The following MED22 variants were observed in gnomAD, a reference collection of about 807,000 sequenced individuals.
The protein encoded by MED22 is mediator of RNA polymerase II transcription subunit 22.
Under a neutral mutation model 22.7 loss-of-function variants are expected in MED22, and 22 were observed. The observed-to-expected ratio is 0.97, with a 90% CI of 0.69 to 1.38. The LOEUF (loss-of-function observed/expected upper bound fraction) is 1.38. Ranked by LOEUF, MED22 falls within the 40% of genes most tolerant of loss-of-function variation. The probability of loss-of-function intolerance (pLI) is 0.00; values close to 1 mark genes in which losing one functional copy is unlikely to be tolerated. For synonymous variants in MED22, 134 were observed against 119.4 expected (o/e 1.12, Z -0.80); for missense variants, 247 against 263.0 (o/e 0.94, Z 0.42).
At position 133,346,653 on chromosome 9, in the gene MED22, G is replaced by C; in HGVS notation, c.10C>G (p.Gln4Glu). Reference sequence around the variant, plus strand: ...TCCTTGCTCTGGGGCAGGGCTCTCTGCTGGGCCATGGCCGAGCCTCAAGCA... The same window carrying C: ...TCCTTGCTCTGGGGCAGGGCTCTCTCCTGGGCCATGGCCGAGCCTCAAGCA... The part of the protein sequence containing the change: MAQ[Q>E]RALPQSKETL... Residue 4 changes from glutamine (Q) to glutamate (E), a missense_variant, in exon 2 of 5, where the codon CAG (glutamine) becomes GAG (glutamate). Physicochemically the swap from Gln to Glu is conservative, Grantham distance 29. Coordinates refer to ENST00000343730, the MANE Select transcript of MED22 (RefSeq NM_133640.5). 6.2e-7 allele frequency: 1 copy of C among 1,611,810 alleles called. No individual in the cohort carries two copies. Among genetic ancestry groups the C allele is most frequent in the Non-Finnish European group, 8.5e-7 (1 of 1,179,970 alleles).
In MED22 at chr9:133,343,807, G is replaced by A. The variant is rs143960299; in HGVS notation, c.413+318C>T. The stretch of plus-strand genomic sequence containing the variant: ...AGCACAGCCCCAGAACGCACTGCCC[G>A]AGGAGGAAGGCTCTCGGAAGAGGGC... On this transcript the variant is annotated intron_variant, in intron 4 of 4. Coordinates refer to ENST00000343730, the MANE Select transcript of MED22 (RefSeq NM_133640.5). 1,564 of 1,397,526 alleles carry A rather than the reference G, an allele frequency of 1.1e-3. 2 individuals are homozygous for A. Among genetic ancestry groups the A allele is most frequent in the Middle Eastern group, 3.7e-3 (14 of 3,784 alleles). The allele number at this position is 1,397,526 out of a possible 1,614,324, so 86.6% of individuals were successfully genotyped here.
chr9:133,343,653 G>A, intron 4 of MED22: 1 of 1,253,560 alleles, frequency 8.0e-7, no homozygotes, highest in South Asian at 3.7e-5. Context: ...TCCACACTGG[G>A]GTTTGGTGAC....
Position 133,341,635 on chromosome 9 carries a change from A to G in MED22, c.473T>C (p.Leu158Pro). The change falls in exon 5 of 5, where the codon CTC becomes CCC. Residue 158 changes from leucine (L) to proline (P), a missense_variant. Coordinates refer to ENST00000343730, the MANE Select transcript of MED22 (RefSeq NM_133640.5). ...PLCEAYGRLD[L>P]DTDSADGLSA... ...GAGGCCATCAGCAGAGTCTGTGTCG[A>G]GGTCCAGCCTCCCGTAAGCTTCGCA... 6.2e-7 allele frequency: 1 copy of G among 1,605,770 alleles called. No individual in the cohort carries two copies. The highest frequency in any genetic ancestry group is 8.5e-7 in the Non-Finnish European group (1 of 1,176,622).
intron 4 of MED22, chr9:133,343,252 G>A: frequency 8.3e-7 from 1 of 1,211,138 alleles, no homozygotes; most frequent in Non-Finnish European, 1.0e-6. Context: ...CACCAGGAAG[G>A]AAAGGTTTGT....
chr9:133,338,744 T>G lies in MED22; in HGVS notation c.*2761A>C. 1 of 320,268 alleles carries G rather than the reference T, an allele frequency of 3.1e-6. No homozygotes were observed. 19.8% of individuals were successfully genotyped at this position (320,268 alleles called of 1,614,324 possible). A position where few individuals can be genotyped will look rare whatever the true frequency, so the allele number is the denominator to read the frequency against. On this transcript the variant is annotated 3_prime_UTR_variant, in exon 5 of 5. Coordinates refer to ENST00000343730, the MANE Select transcript of MED22 (RefSeq NM_133640.5). Reference sequence around the variant, plus strand: ...GGCGTAAGCCACCGCGCCCGGCCGATTTCTATACTTTTTAGTAGAGACGGG... The same window carrying G: ...GGCGTAAGCCACCGCGCCCGGCCGAGTTCTATACTTTTTAGTAGAGACGGG...
In MED22 at chr9:133,339,919, G is replaced by A. The variant is rs1835966201; in HGVS notation, c.*1586C>T. 6.5e-6 allele frequency: 1 copy of A among 152,840 alleles called. No individual in the cohort carries two copies. The highest frequency in any genetic ancestry group is 2.4e-5 in the African/African-American group (1 of 41,422). 9.5% of individuals were successfully genotyped at this position (152,840 alleles called of 1,614,324 possible). A position where few individuals can be genotyped will look rare whatever the true frequency, so the allele number is the denominator to read the frequency against. On this transcript the variant is annotated 3_prime_UTR_variant, in exon 5 of 5. Transcript: ENST00000343730. Reference sequence around the variant, plus strand: ...CAGAGCGGCTTGGCTTTAAGAAGGAGAAATAACTTGATTTTCACATGGGAA... The same window carrying A: ...CAGAGCGGCTTGGCTTTAAGAAGGAAAAATAACTTGATTTTCACATGGGAA...
intron 4 of MED22, chr9:133,343,477 G>C (rs2129956903): frequency 1.7e-5 from 21 of 1,231,426 alleles, no homozygotes; most frequent in South Asian, 4.1e-5. Flanking sequence ...CAGGATGATG[G>C]GTTTTGACCC....
At chr9:133,343,289 G>C (rs1383734748) in intron 4 of MED22, 1 of 1,226,208 alleles carries the variant, frequency 8.2e-7, no homozygotes, top group Non-Finnish European at 1.0e-6. Context: ...GATGGACATG[G>C]ACTCTGCATC....
intron 4 of MED22, chr9:133,343,889 G>C (rs115008067): frequency 3.5e-6 from 5 of 1,423,502 alleles, no homozygotes; most frequent in Non-Finnish European, 4.6e-6. Flanking sequence ...TCCGACTGGC[G>C]TGAGTCCTGT....
Position 133,339,155 on chromosome 9 carries a change from T to C in MED22, c.*2350A>G, listed in dbSNP as rs1835953527. 1.5e-6 allele frequency: 1 copy of C among 683,174 alleles called. No individual in the cohort carries two copies. 42.3% of individuals were successfully genotyped at this position (683,174 alleles called of 1,614,324 possible). A position where few individuals can be genotyped will look rare whatever the true frequency, so the allele number is the denominator to read the frequency against. ...TGTTCAAAAAGGAATGCCCCACAAATGTCACCATGGCTAGACTGGGAGAGT... is the reference window on the plus strand; with the variant it reads ...TGTTCAAAAAGGAATGCCCCACAAACGTCACCATGGCTAGACTGGGAGAGT... On this transcript the variant is annotated 3_prime_UTR_variant, in exon 5 of 5. Coordinates refer to ENST00000343730, the MANE Select transcript of MED22 (RefSeq NM_133640.5).
At chr9:133,343,059 C>T in intron 4 of MED22, 15 of 990,932 alleles carry the variant, frequency 1.5e-5, no homozygotes, top group Non-Finnish European at 1.8e-5. Context: ...CTCATGTCTG[C>T]TGAGTTAATG....
intron 4 of MED22, 183 bp downstream of exon 4, chr9:133,343,942 G>C (rs1435345157): frequency 6.9e-7 from 1 of 1,446,782 alleles, no homozygotes; most frequent in Non-Finnish European, 9.1e-7. Context: ...CAGGGCCCTG[G>C]CATATGGATG....
At chr9:133,341,861 G>T (rs2129951311) in intron 4 of MED22, 167 bp from the exon 5 acceptor site, 55,213 of 1,390,598 alleles carry the variant, frequency 0.04, 1,273 homozygotes, top group African/African-American at 0.067. Context: ...TGGCAGGCCT[G>T]GCAAGGAGAG....
At chr9:133,346,506 C>A (rs2129968350) in intron 2 of MED22, 34 bp downstream of exon 2, 15 of 1,610,626 alleles carry the variant, frequency 9.3e-6, no homozygotes, top group Non-Finnish European at 1.3e-5. Context: ...CCTTCTCAGA[C>A]TCTGCTCCCC....
rs1836091283 is a variant in MED22, at chr9:133,343,908, T to C, written c.413+217A>G. Reference sequence around the variant, plus strand: ...ACTGGCGTGAGTCCTGTGGTTTTCATCACATTGCACTGTGGGAAAGGCCCA... The same window carrying C: ...ACTGGCGTGAGTCCTGTGGTTTTCACCACATTGCACTGTGGGAAAGGCCCA... On this transcript the variant is annotated intron_variant, in intron 4 of 4. Transcript: ENST00000343730. 1.1e-5 allele frequency: 15 copies of C among 1,428,358 alleles called. 2 individuals carry two copies. The highest frequency in any genetic ancestry group is 3.0e-5 in the South Asian group (2 of 65,612). The allele number at this position is 1,428,358 out of a possible 1,614,324, so 88.5% of individuals were successfully genotyped here.
intron 2 of MED22, 55 bp from the exon 3 acceptor site, chr9:133,345,307 TGGCCC>T: frequency 3.8e-6 from 6 of 1,564,596 alleles, no homozygotes; most frequent in East Asian, 2.3e-5. Context: ...TCCCCACCCC[TGGCCC>T]GGCCCAGCCC....
At chr9:133,342,545 G>T in intron 4 of MED22, 6 of 985,340 alleles carry the variant, frequency 6.1e-6, no homozygotes, top group Non-Finnish European at 7.2e-6. Context: ...CGCAGCTCAT[G>T]CGGAACAGGG....
At chr9:133,342,400 C>T (rs1019498892) in intron 4 of MED22, 2 of 986,094 alleles carry the variant, frequency 2.0e-6, no homozygotes, top group Middle Eastern at 5.2e-4. Context: ...CCCCTGGCTT[C>T]CTCCCTTGCT....
chr9:133,344,882 C>T lies in MED22; in HGVS notation c.204+290G>A, dbSNP rs2129963089. ...ACTCCTGAGTTAGCAGGAAGGGCTA[C>T]CCTCTTTCTGGCCACTGCACGGCTA... is the stretch of plus-strand genomic sequence containing the variant. On this transcript the variant is annotated intron_variant, in intron 3 of 4. Coordinates refer to ENST00000343730, the MANE Select transcript of MED22 (RefSeq NM_133640.5). Among the ~76,000 whole-genome samples the T allele has an allele frequency of 2.2e-4, 34 of 152,334 alleles. 1 individual carries two copies. The highest frequency in any genetic ancestry group is 7.2e-4 in the African/African-American group (30 of 41,576).
Sources: gnomAD v4.1 joint callset for allele counts (sites outside exome capture counted in the v4.1 genomes callset) on GRCh38, gnomAD v4.1.1 for gene constraint, MANE v1.5 for transcripts, NCBI Gene and HGNC (gene_info 2026-07-23, HGNC 2026-07-21) for gene names.